The following PARK7 variants were observed in gnomAD, a reference collection of about 807,000 sequenced individuals.
PARK7 encodes Parkinson disease protein 7.
A neutral mutation model predicts 20.5 loss-of-function variants in PARK7; 14 were observed. The ratio of observed to expected loss-of-function variants is 0.68; its 90% CI spans 0.45 to 1.07. The LOEUF is 1.07. Among genes scored for constraint, PARK7 ranks in the 50% least tolerant of loss-of-function variants. The pLI is 0.00. For missense variants in PARK7, 234 were observed against 238.1 expected (o/e 0.98, Z 0.11); for synonymous variants, 98 against 84.3 (o/e 1.16, Z -0.89).
chr1:7,984,448 A>T lies in PARK7; in HGVS notation c.410-446A>T, dbSNP rs1350075938. ...ACTCACATGCATACCCGCCTCCATT[A>T]CGTTGTGCTGTGGTTGTTTTTGAGG... On this transcript the variant is annotated intron_variant, in intron 6 of 6. Coordinates refer to ENST00000338639, the MANE Select transcript of PARK7 (RefSeq NM_007262.5). This position sits in a 1 kb window ranked among gnomAD's most constrained non-coding sequence, Gnocchi z 4.3. Among the ~76,000 whole-genome samples, 2 of 152,184 alleles carry T rather than the reference A, an allele frequency of 1.3e-5. No individual in the cohort carries two copies. The highest frequency in any genetic ancestry group is 1.9e-4 in the East Asian group (1 of 5,198).
At chr1:7,971,417 G>C (rs1640462594) in intron 5 of PARK7, 1 of 210,438 alleles carries the variant, frequency 4.8e-6, no homozygotes, top group Admixed American at 5.2e-5. Flanking sequence ...TCAGTACCGA[G>C]TGATCTTGGG....
At chr1:7,980,043 C>T (rs1640678659) in intron 6 of PARK7, among the ~76,000 whole-genome samples, 1 of 151,812 alleles carries the variant, frequency 6.6e-6, no homozygotes, top group Non-Finnish European at 1.5e-5. Context: ...CACCTGTAGT[C>T]CCAGCTACTC....
intron 5 of PARK7, among the ~76,000 whole-genome samples, chr1:7,976,095 C>T (rs1557448343): frequency 2.0e-5 from 3 of 152,134 alleles, no homozygotes; most frequent in Admixed American, 1.3e-4. Flanking sequence ...GTCTGAGTAG[C>T]TTGTGGGTAT....
chr1:7,978,634 C>T (rs118108671), intron 6 of PARK7, among the ~76,000 whole-genome samples: 1 of 151,354 alleles, frequency 6.6e-6, no homozygotes, highest in Non-Finnish European at 1.5e-5. Flanking sequence ...GCTTGAGCCC[C>T]GAGTTCGAGA....
At chr1:7,961,842 G>C (rs1640208737) in intron 1 of PARK7, 49 bp downstream of exon 1, 1 of 152,562 alleles carries the variant, frequency 6.6e-6, no homozygotes. Context: ...GGCGCTGGGC[G>C]GCGTGGGGGT....
At chr1:7,979,347 A>G (rs886590430) in intron 6 of PARK7, among the ~76,000 whole-genome samples, 4 of 152,028 alleles carry the variant, frequency 2.6e-5, no homozygotes, top group Admixed American at 6.6e-5. Context: ...AGCCTCCCCT[A>G]CTATCAACAT....
chr1:7,964,744 C>T (rs1302753577), intron 2 of PARK7, among the ~76,000 whole-genome samples: 1 of 152,184 alleles, frequency 6.6e-6, no homozygotes, highest in African/African-American at 2.4e-5. Flanking sequence ...GTATTGTTGA[C>T]TTTAAAAATT....
At chr1:7,973,500 G>A (rs1486336205) in intron 5 of PARK7, among the ~76,000 whole-genome samples, 2 of 152,176 alleles carry the variant, frequency 1.3e-5, no homozygotes, top group Non-Finnish European at 2.9e-5. Flanking sequence ...AATCACTTAA[G>A]GTCAGGAGTT....
Position 7,969,331 on chromosome 1 carries a change from T to C in PARK7, c.193-14T>C. On this transcript the variant is annotated splice_polypyrimidine_tract_variant and intron_variant, in intron 3 of 6. Transcript: ENST00000338639. ...GAAATGTTTTTGTTTTCTTTATGTT[T>C]TAAACTGTTACAGGGACCATATGAT... 6.2e-7 allele frequency: 1 copy of C among 1,607,234 alleles called. No homozygotes were observed. The highest frequency in any genetic ancestry group is 8.5e-7 in the Non-Finnish European group (1 of 1,175,876).
At chr1:7,962,740 C>CTT (rs370370394) in intron 1 of PARK7, 23 bp from the exon 2 acceptor site, 6,124 of 1,143,458 alleles carry the variant, frequency 5.4e-3, no homozygotes, top group Non-Finnish European at 6.0e-3. Context: ...TTTTTGAAAT[C>CTT]TTTTTTTTTT....
chr1:7,965,243 CTT>C (rs1484502423), intron 2 of PARK7, 79 bp from the exon 3 acceptor site: 2 of 1,354,274 alleles, frequency 1.5e-6, no homozygotes, highest in Non-Finnish European at 2.1e-6. Flanking sequence ...CCCCATCTCT[CTT>C]TTTTCTTTTT....
intron 5 of PARK7, chr1:7,971,523 T>A (rs1386691504): frequency 6.4e-6 from 1 of 156,888 alleles, no homozygotes; most frequent in African/African-American, 2.4e-5. Context: ...TATTTTCTCA[T>A]AACCATTTTA....
At chr1:7,981,908 TC>T (rs1167332452) in intron 6 of PARK7, among the ~76,000 whole-genome samples, 5 of 148,384 alleles carry the variant, frequency 3.4e-5, no homozygotes, top group Non-Finnish European at 5.9e-5. Flanking sequence ...TCTGCCCTCC[TC>T]GGCTTCCCCA....
chr1:7,963,394 T>C (rs1350788569), intron 2 of PARK7, among the ~76,000 whole-genome samples: 1 of 151,370 alleles, frequency 6.6e-6, no homozygotes, highest in African/African-American at 2.4e-5. Flanking sequence ...TTCTTTTTTT[T>C]TTTTTTTGAG....
intron 2 of PARK7, among the ~76,000 whole-genome samples, chr1:7,964,159 G>A (rs776037007): frequency 1.1e-4 from 16 of 152,092 alleles, no homozygotes; most frequent in African/African-American, 3.1e-4. Context: ...CTCATTTTGC[G>A]TGTTTATATA....
intron 5 of PARK7, 88 bp downstream of exon 5, chr1:7,971,051 C>A (rs963496369): frequency 3.6e-6 from 5 of 1,406,264 alleles, no homozygotes; most frequent in African/African-American, 1.4e-5. Flanking sequence ...TAGCTCTTCC[C>A]CTTCATAAAG....
At chr1:7,970,870 T>C (rs1332033849) in intron 4 of PARK7, 24 bp from the exon 5 acceptor site, 3 of 1,613,280 alleles carry the variant, frequency 1.9e-6, no homozygotes. Flanking sequence ...TAACTTTATG[T>C]ATTTTTGGTT....
At chr1:7,963,030 C>T (rs1243985998) in intron 2 of PARK7, among the ~76,000 whole-genome samples, 155 bp downstream of exon 2, 1 of 152,182 alleles carries the variant, frequency 6.6e-6, no homozygotes, top group Non-Finnish European at 1.5e-5. Context: ...TGATCCACTG[C>T]TCACATTTAA....
chr1:7,962,943 T>C, intron 2 of PARK7, 68 bp downstream of exon 2: 1 of 1,278,442 alleles, frequency 7.8e-7, no homozygotes, highest in Non-Finnish European at 1.1e-6. Flanking sequence ...TCATTTTGAA[T>C]AAAATATTCA....
Sources: gnomAD v4.1 joint callset for allele counts (sites outside exome capture counted in the v4.1 genomes callset) on GRCh38, gnomAD v4.1.1 for gene constraint, Gnocchi (gnomAD v3.1) non-coding constraint, MANE v1.5 for transcripts, NCBI Gene and HGNC (gene_info 2026-07-23, HGNC 2026-07-21) for gene names.